PRDM2: variants seen among roughly 807,000 people sequenced by gnomAD.
The protein encoded by PRDM2 is PR domain zinc finger protein 2.
In PRDM2, 30 loss-of-function variants were observed where a neutral mutation model predicts 130.0. That is an observed-to-expected ratio of 0.23 (90% CI 0.17 to 0.31). The LOEUF (loss-of-function observed/expected upper bound fraction) is 0.31, where lower values mean the gene tolerates loss of function less well. Among genes scored for constraint, PRDM2 ranks in the 10% least tolerant of loss-of-function variants. The probability of loss-of-function intolerance (pLI) is 1.00; values close to 1 mark genes in which losing one functional copy is unlikely to be tolerated. For missense variants in PRDM2, 2,011 were observed against 2,108.4 expected, an observed-to-expected ratio of 0.95 and a Z score of 0.90; for synonymous variants, 871 against 782.4, an observed-to-expected ratio of 1.11 and a Z score of -1.89.
chr1:13,756,180 G>A (rs1019022019), intron 6 of PRDM2, among the ~76,000 whole-genome samples: 2 of 150,978 alleles, frequency 1.3e-5, no homozygotes, highest in African/African-American at 4.9e-5. Context: ...GGAGAATGGC[G>A]TGAACCCGGG....
At chr1:13,774,705 G>A (rs754493005) in intron 7 of PRDM2, among the ~76,000 whole-genome samples, 59 of 152,186 alleles carry the variant, frequency 3.9e-4, no homozygotes, top group Non-Finnish European at 2.8e-4. Flanking sequence ...GGCCTGGCGC[G>A]GTGGCTCACG....
At chr1:13,785,491 T>G (rs1285886933) in intron 8 of PRDM2, among the ~76,000 whole-genome samples, 1 of 152,170 alleles carries the variant, frequency 6.6e-6, no homozygotes, top group African/African-American at 2.4e-5. Context: ...GCCATATGAT[T>G]TTTCCATGAG....
At chr1:13,769,396 G>A (rs1488599179) in intron 6 of PRDM2, among the ~76,000 whole-genome samples, 6 of 152,194 alleles carry the variant, frequency 3.9e-5, no homozygotes, top group Non-Finnish European at 7.3e-5. Context: ...AATATTTGGC[G>A]GTTGTGAGGG....
intron 7 of PRDM2, among the ~76,000 whole-genome samples, chr1:13,776,766 G>A (rs1315032761): frequency 6.6e-6 from 1 of 152,062 alleles, no homozygotes; most frequent in African/African-American, 2.4e-5. Context: ...TTTGCCAAAG[G>A]ACCACCACTC....
In PRDM2 at chr1:13,778,958, A is replaced by G. The variant is rs142959853; in HGVS notation, c.1163A>G (p.His388Arg). Residue 388 changes from histidine to arginine, a missense_variant, in exon 8 of 10, where the codon CAT (histidine) becomes CGT (arginine). Physicochemically the swap from His to Arg is conservative, Grantham distance 29 (BLOSUM62 0). Around this residue, in one of 5 missense-constraint regions of PRDM2, gnomAD observed 1,288 missense variants for 1,237.7 expected, o/e 1.04. Coordinates refer to ENST00000311066, the MANE Select transcript of PRDM2 (RefSeq NM_001393986.1). ...HMHIHISTVN[H>R]AFKCKYCGKA... ...CATATCCATATATCCACCGTCAATC[A>G]TGCTTTCAAATGCAAGTACTGTGGG... The G allele has an allele frequency of 1.9e-6, 3 of 1,614,210 alleles. No homozygotes were observed. Among genetic ancestry groups the G allele is most frequent in the Non-Finnish European group, 1.7e-6 (2 of 1,180,036 alleles).
chr1:13,702,947 G>A (rs1260745136), intron 1 of PRDM2, among the ~76,000 whole-genome samples: 1 of 152,122 alleles, frequency 6.6e-6, no homozygotes, highest in Non-Finnish European at 1.5e-5. Context: ...AGATGATGAG[G>A]GACATCACCT....
chr1:13,802,553 C>T (rs1645024590), intron 8 of PRDM2, among the ~76,000 whole-genome samples: 2 of 152,220 alleles, frequency 1.3e-5, no homozygotes, highest in Admixed American at 1.3e-4. Context: ...CCAAACCACA[C>T]ACGGGGTGAG....
rs375551583 is a variant in PRDM2 at position 13,778,951 on chromosome 1, G to T, written c.1156G>T (p.Val386Phe). ...ERHMHIHIST[V>F]NHAFKCKYCG... The stretch of plus-strand genomic sequence containing the variant: ...TCACATGCATATCCATATATCCACC[G>T]TCAATCATGCTTTCAAATGCAAGTA... Residue 386 changes from valine (V) to phenylalanine (F), a missense_variant, in exon 8 of 10, where the codon GTC (valine) becomes TTC (phenylalanine). Physicochemically the swap from Val to Phe is conservative, Grantham distance 50. This residue lies in a region of PRDM2 where 1,288 missense variants were observed against 1,237.7 expected (regional missense o/e 1.04). Transcript: ENST00000311066. The T allele has an allele frequency of 6.2e-7, 1 of 1,614,160 alleles. No homozygotes were observed.
chr1:13,726,974 T>A (rs1642938302), intron 2 of PRDM2, among the ~76,000 whole-genome samples: 1 of 152,130 alleles, frequency 6.6e-6, no homozygotes, highest in Non-Finnish European at 1.5e-5. Flanking sequence ...GCTTGATGAC[T>A]TCTATTCTGC....
At chr1:13,716,003 T>G (rs567939802) in intron 2 of PRDM2, among the ~76,000 whole-genome samples, 4 of 152,338 alleles carry the variant, frequency 2.6e-5, no homozygotes, top group Non-Finnish European at 5.9e-5. Context: ...TGCACACGTA[T>G]GTTTATTGCG....
chr1:13,783,000 G>A (rs1644653827), intron 8 of PRDM2, 169 bp downstream of exon 8: 1 of 1,429,248 alleles, frequency 7.0e-7, no homozygotes, highest in Non-Finnish European at 9.4e-7. Flanking sequence ...TGCTTTTAGA[G>A]ATGAATAAAT....
At position 13,782,523 on chromosome 1, in the gene PRDM2, C is replaced by T; in HGVS notation, c.4728C>T (p.Ser1576=). Residue 1576 remains serine (S), a synonymous_variant, in exon 8 of 10, where the codon TCC becomes TCT. Coordinates refer to ENST00000311066, the MANE Select transcript of PRDM2 (RefSeq NM_001393986.1). ...CAAGCTCCTCCTCTTTAAGGAACTCCAGCCCGATAAGAATGGCCAAAATAA... is the reference window on the plus strand; with the variant it reads ...CAAGCTCCTCCTCTTTAAGGAACTCTAGCCCGATAAGAATGGCCAAAATAA... ...KKPSSSSLRN[S]SPIRMAKITH... 6.2e-7 allele frequency: 1 copy of T among 1,614,138 alleles called. No individual in the cohort carries two copies.
chr1:13,806,585 G>T lies in PRDM2; in HGVS notation c.5037-9842G>T, dbSNP rs1193691853. Among the ~76,000 whole-genome samples, 1 of 152,120 alleles carries T rather than the reference G, an allele frequency of 6.6e-6. No homozygotes were observed. Among genetic ancestry groups the T allele is most frequent in the Non-Finnish European group, 1.5e-5 (1 of 68,024 alleles). ...ACCTCTTCCTCCATCCCCACATCCA[G>T]CTCATCAGCAGATCCCCAAACTCAC... is the stretch of plus-strand genomic sequence containing the variant. On this transcript the variant is annotated intron_variant, in intron 8 of 9. Coordinates refer to ENST00000311066, the MANE Select transcript of PRDM2 (RefSeq NM_001393986.1). The surrounding 1 kb of genome is among the most constrained non-coding windows in gnomAD (Gnocchi z 4.1).
At chr1:13,756,123 C>T (rs1417434953) in intron 6 of PRDM2, among the ~76,000 whole-genome samples, 4 of 150,940 alleles carry the variant, frequency 2.7e-5, no homozygotes, top group South Asian at 4.2e-4. Flanking sequence ...ATTAGCTGGG[C>T]GTGGTGGCGG....
chr1:13,700,775 C>T (rs557752728), intron 1 of PRDM2, among the ~76,000 whole-genome samples: 1 of 152,252 alleles, frequency 6.6e-6, no homozygotes, highest in African/African-American at 2.4e-5. Flanking sequence ...TGTTTTGTGT[C>T]TTGCGTCTTT....
At chr1:13,807,721 C>G (rs1645107326) in intron 8 of PRDM2, among the ~76,000 whole-genome samples, 1 of 152,170 alleles carries the variant, frequency 6.6e-6, no homozygotes, top group Non-Finnish European at 1.5e-5. Context: ...TCCTTGAGGC[C>G]AGGAACAGAG....
chr1:13,781,533 G>C lies in PRDM2; in HGVS notation c.3738G>C (p.Gln1246His), dbSNP rs141953484. The change falls in exon 8 of 10, where the codon CAG becomes CAC. Residue 1246 changes from glutamine (Q) to histidine (H), a missense_variant. Gln to His is a conservative substitution (Grantham distance 24, BLOSUM62 0). Around this residue, in one of 5 missense-constraint regions of PRDM2, gnomAD observed 229 missense variants for 364.1 expected, o/e 0.63. Coordinates refer to ENST00000311066, the MANE Select transcript of PRDM2 (RefSeq NM_001393986.1). This position sits in a 1 kb window ranked among gnomAD's most constrained non-coding sequence, Gnocchi z 6.1. Reference sequence around the variant, plus strand: ...GCAAGGCCCATGTAGAGCATATGCAGAGCTTGCCAGAAGATCCTTTAGAAA... The same window carrying C: ...GCAAGGCCCATGTAGAGCATATGCACAGCTTGCCAGAAGATCCTTTAGAAA... ...DPSKAHVEHM[Q>H]SLPEDPLETS... The C allele has an allele frequency of 8.0e-5, 129 of 1,612,466 alleles. No individual in the cohort carries two copies. Among genetic ancestry groups the C allele is most frequent in the Non-Finnish European group, 1.1e-4 (125 of 1,180,008 alleles).
At chr1:13,748,861 C>A (rs533857337) in intron 5 of PRDM2, among the ~76,000 whole-genome samples, 1 of 152,184 alleles carries the variant, frequency 6.6e-6, no homozygotes, top group African/African-American at 2.4e-5. Flanking sequence ...GGGATAGAAA[C>A]CGCGGCGCAT....
chr1:13,776,859 T>A (rs2100650361), intron 7 of PRDM2, among the ~76,000 whole-genome samples: 1 of 152,244 alleles, frequency 6.6e-6, no homozygotes, highest in East Asian at 1.9e-4. Context: ...TCATCCCTCT[T>A]CTGCCTGCGT....
Sources: gnomAD v4.1 joint callset for allele counts (sites outside exome capture counted in the v4.1 genomes callset) on GRCh38, gnomAD v4.1.1 for gene constraint, gnomAD v4.1.1 regional missense constraint, Gnocchi (gnomAD v3.1) non-coding constraint, MANE v1.5 for transcripts, NCBI Gene and HGNC (gene_info 2026-07-23, HGNC 2026-07-21) for gene names.